LRRC7: variants seen among roughly 807,000 people sequenced by gnomAD.
LRRC7 encodes leucine-rich repeat-containing protein 7.
Under a neutral mutation model 175.7 loss-of-function variants are expected in LRRC7, and 23 were observed. That is an observed-to-expected ratio of 0.13 (90% CI 0.09 to 0.19). LRRC7 has a LOEUF of 0.19. Among genes scored for constraint, LRRC7 ranks in the 10% least tolerant of loss-of-function variants. LRRC7 has a pLI of 1.00. For synonymous variants in LRRC7, 685 were observed against 680.9 expected (o/e 1.01, Z -0.09); for missense variants, 1,354 against 1,904.7 (o/e 0.71, Z 5.38).
At chr1:69,770,122 A>T (rs1253130482) in intron 3 of LRRC7, among the ~76,000 whole-genome samples, 1 of 152,214 alleles carries the variant, frequency 6.6e-6, no homozygotes, top group Non-Finnish European at 1.5e-5. Flanking sequence ...TAACCGTGAC[A>T]GTTGTTCAAG....
At chr1:69,886,618 T>G (rs1645628697) in intron 7 of LRRC7, among the ~76,000 whole-genome samples, 1 of 149,824 alleles carries the variant, frequency 6.7e-6, no homozygotes, top group South Asian at 2.1e-4. Flanking sequence ...CCCATTTACA[T>G]TTAAAGTTAA....
At chr1:69,804,969 C>T (rs536471801) in intron 4 of LRRC7, among the ~76,000 whole-genome samples, 4 of 151,730 alleles carry the variant, frequency 2.6e-5, no homozygotes, top group South Asian at 2.1e-4. Flanking sequence ...ATAGAGACTA[C>T]GACACTATAA....
chr1:69,942,294 G>A lies in LRRC7; in HGVS notation c.711+10724G>A, dbSNP rs573815107. Among the ~76,000 whole-genome samples the A allele has an allele frequency of 2.0e-5, 3 of 152,104 alleles. No individual in the cohort carries two copies. The South Asian group carries it at 6.2e-4, about 32-fold the overall frequency. The stretch of plus-strand genomic sequence containing the variant: ...TTAAGCAAGCTCTGCAAAATGCCTG[G>A]GTCCATTCAATCACCATAGGACGTG... On this transcript the variant is annotated intron_variant, in intron 8 of 26. Transcript: ENST00000651989.
chr1:69,827,409 GATAA>G (rs1680044097), intron 5 of LRRC7, among the ~76,000 whole-genome samples: 3 of 152,106 alleles, frequency 2.0e-5, no homozygotes, highest in African/African-American at 7.2e-5. Context: ...CTTTTTAAAA[GATAA>G]ATAAATATGA....
intron 8 of LRRC7, among the ~76,000 whole-genome samples, chr1:69,951,810 G>T (rs560833755): frequency 1.7e-3 from 255 of 152,130 alleles, no homozygotes; most frequent in African/African-American, 5.9e-3. Context: ...TGGGAGAAGG[G>T]AGAACAGAAA....
intron 1 of LRRC7, among the ~76,000 whole-genome samples, chr1:69,634,212 A>G (rs1311044798): frequency 6.6e-6 from 1 of 152,140 alleles, no homozygotes. Flanking sequence ...GGAAACTGAG[A>G]CATAAAAAGA....
At chr1:70,090,786 A>G (rs1028972976) in intron 25 of LRRC7, among the ~76,000 whole-genome samples, 3 of 152,074 alleles carry the variant, frequency 2.0e-5, no homozygotes, top group African/African-American at 4.8e-5. Context: ...ATAAAAACCT[A>G]CAGATTAATT....
intron 3 of LRRC7, among the ~76,000 whole-genome samples, chr1:69,766,657 G>A (rs1671654084): frequency 6.6e-6 from 1 of 152,130 alleles, no homozygotes; most frequent in South Asian, 2.1e-4. Flanking sequence ...GCATGACGCA[G>A]ATCAGTTGAT....
chr1:69,624,099 C>T (rs1578567), intron 1 of LRRC7, among the ~76,000 whole-genome samples: 150,902 of 152,246 alleles, frequency 0.99, 74,793 homozygotes, highest in Middle Eastern at 1. Context: ...CAGGAGATGA[C>T]GCCAAATTCT....
At chr1:70,111,386 C>CTT (rs949646589) in intron 26 of LRRC7, among the ~76,000 whole-genome samples, 11 of 152,232 alleles carry the variant, frequency 7.2e-5, no homozygotes, top group Admixed American at 7.2e-4. Flanking sequence ...TATAATTACT[C>CTT]TAAGACAGTG....
Position 70,125,992 on chromosome 1 carries a change from G to A in LRRC7, c.*4105G>A, listed in dbSNP as rs114833725. ...TATCTATTAATATTTAAGCTTTCCAGTGTAAAGCTTTGGAAAATGTAGTGT... is the reference window on the plus strand; with the variant it reads ...TATCTATTAATATTTAAGCTTTCCAATGTAAAGCTTTGGAAAATGTAGTGT... On this transcript the variant is annotated 3_prime_UTR_variant, in exon 27 of 27. Coordinates refer to ENST00000651989, the MANE Select transcript of LRRC7 (RefSeq NM_001370785.2). 4.9e-3 allele frequency among the ~76,000 whole-genome samples: 744 copies of A among 151,922 alleles called. 9 individuals are homozygous for A. The highest frequency in any genetic ancestry group is 0.017 in the African/African-American group (690 of 41,446).
At chr1:70,047,638 A>T (rs1660430640) in intron 22 of LRRC7, among the ~76,000 whole-genome samples, 1 of 152,070 alleles carries the variant, frequency 6.6e-6, no homozygotes, top group African/African-American at 2.4e-5. Flanking sequence ...AGATTTTGCA[A>T]TGTATTTTAA....
intron 1 of LRRC7, among the ~76,000 whole-genome samples, chr1:69,573,104 G>C (rs1321475948): frequency 6.6e-6 from 1 of 152,086 alleles, no homozygotes; most frequent in Non-Finnish European, 1.5e-5. Context: ...CTCCTACCAT[G>C]AGTCATGTGC....
chr1:69,722,140 T>C (rs1281754017), intron 2 of LRRC7, among the ~76,000 whole-genome samples: 7 of 47,726 alleles, frequency 1.5e-4, no homozygotes, highest in Non-Finnish European at 2.3e-4. Flanking sequence ...TATGTACACA[T>C]ATATATATAT....
chr1:69,587,698 G>C (rs976797241), intron 1 of LRRC7, among the ~76,000 whole-genome samples: 2 of 152,068 alleles, frequency 1.3e-5, no homozygotes, highest in African/African-American at 4.8e-5. Flanking sequence ...TGATAGTGAG[G>C]GAGAGCCATG....
At chr1:69,983,297 C>T (rs545435325) in intron 9 of LRRC7, among the ~76,000 whole-genome samples, 53 of 152,308 alleles carry the variant, frequency 3.5e-4, no homozygotes, top group African/African-American at 1.2e-3. Flanking sequence ...GCTGAGGGAG[C>T]AGGGCTGGAG....
intron 2 of LRRC7, among the ~76,000 whole-genome samples, chr1:69,699,955 T>C (rs1158692833): frequency 6.6e-6 from 1 of 152,220 alleles, no homozygotes; most frequent in Admixed American, 6.5e-5. Context: ...CCTTTCTCAC[T>C]AAACTGAAGT....
At chr1:69,966,826 G>A (rs1468005385) in intron 8 of LRRC7, among the ~76,000 whole-genome samples, 4 of 152,236 alleles carry the variant, frequency 2.6e-5, no homozygotes, top group African/African-American at 9.6e-5. Flanking sequence ...AAATCCCTAA[G>A]CCATTTCTGC....
intron 26 of LRRC7, among the ~76,000 whole-genome samples, chr1:70,116,534 A>G (rs1017729595): frequency 7.2e-6 from 1 of 138,812 alleles, no homozygotes; most frequent in Non-Finnish European, 1.5e-5. Flanking sequence ...GCGACAGAGC[A>G]AGACTCCATG....
Sources: allele counts gnomAD v4.1 joint callset (sites outside exome capture counted in the v4.1 genomes callset), GRCh38; gene constraint gnomAD v4.1.1; transcripts MANE v1.5; gene names NCBI Gene and HGNC (gene_info 2026-07-23, HGNC 2026-07-21).